The following ABRACL variants were observed in gnomAD, a reference collection of about 807,000 sequenced individuals.
ABRACL encodes the protein costars family protein ABRACL.
In ABRACL, 4 loss-of-function variants were observed where a neutral mutation model predicts 7.0. The observed-to-expected ratio is 0.57, with a 90% CI of 0.28 to 1.30. ABRACL has a LOEUF of 1.30. ABRACL is among the 50% of genes most tolerant of loss of function. ABRACL has a pLI of 0.10. For missense variants in ABRACL, 104 were observed against 97.3 expected (o/e 1.07, Z -0.29); for synonymous variants, 30 against 36.0 (o/e 0.83, Z 0.60).
In ABRACL at chr6:139,034,199, A is replaced by G. The variant is rs773654374; in HGVS notation, c.39A>G (p.Glu13=). 2.5e-6 allele frequency: 4 copies of G among 1,614,108 alleles called. No individual in the cohort carries two copies. The African/African-American group carries it at 4.0e-5, about 16-fold the overall frequency. The stretch of plus-strand genomic sequence containing the variant: ...ACGAGGTTAACCTCTTAGTGGAGGA[A>G]ATTCATCGTTTGGGTTCAAAAAGTA... The part of the protein sequence containing the change: ...VDHEVNLLVE[E]IHRLGSKNAD... The change falls in exon 2 of 3, where the codon GAA becomes GAG. Residue 13 remains glutamate, a synonymous_variant. Coordinates refer to ENST00000367660, the MANE Select transcript of ABRACL (RefSeq NM_021243.3).
In ABRACL at chr6:139,043,263, T is replaced by C. The variant is rs2114321601; in HGVS notation, c.*360T>C. ...AGACCAACTCCTATGAGAAATATTA[T>C]GATGTTTATGTAATAAAGACATGTA... is the stretch of plus-strand genomic sequence containing the variant. On this transcript the variant is annotated 3_prime_UTR_variant, in exon 3 of 3. Coordinates refer to ENST00000367660, the MANE Select transcript of ABRACL (RefSeq NM_021243.3). 1 of 162,514 alleles carries C rather than the reference T, an allele frequency of 6.2e-6. No individual in the cohort carries two copies. Among genetic ancestry groups the C allele is most frequent in the East Asian group, 1.8e-4 (1 of 5,688 alleles). The allele number at this position is 162,514 out of a possible 1,614,324, so 10.1% of individuals were successfully genotyped here. A position where few individuals can be genotyped will look rare whatever the true frequency, so the allele number is the denominator to read the frequency against.
rs140091253 is a variant in ABRACL at position 139,041,451 on chromosome 6, C to CTCTCTATATATA, written c.62-1267_62-1266insCTCTATATATAT. 5.6e-3 allele frequency among the ~76,000 whole-genome samples: 612 copies of CTCTCTATATATA among 110,014 alleles called. 4 individuals carry two copies. The highest frequency in any genetic ancestry group is 8.8e-3 in the Non-Finnish European group (495 of 56,170). 72.2% of individuals were successfully genotyped at this position (110,014 alleles called of 152,430 possible). A position where few individuals can be genotyped will look rare whatever the true frequency, so the allele number is the denominator to read the frequency against. On this transcript the variant is annotated intron_variant, in intron 2 of 2. Coordinates refer to ENST00000367660, the MANE Select transcript of ABRACL (RefSeq NM_021243.3). ...TCTCTCTCTCTCTCTCTCTCTCTCTCTATATATATATATATATATTTCTAT... is the reference window on the plus strand; with the variant it reads ...TCTCTCTCTCTCTCTCTCTCTCTCTCTCTCTATATATATATATATATATATATATATTTCTAT...
chr6:139,037,028 GA>G (rs11287492), intron 2 of ABRACL, among the ~76,000 whole-genome samples: 76,208 of 149,256 alleles, frequency 0.51, 20,335 homozygotes, highest in African/African-American at 0.57. Context: ...GCAATTATCC[GA>G]AAAAAAAAAT....
chr6:139,034,398 C>T (rs543359005), intron 2 of ABRACL, 177 bp downstream of exon 2: 32 of 1,546,982 alleles, frequency 2.1e-5, no homozygotes, highest in Middle Eastern at 1.9e-4. Context: ...TCTGGAGACA[C>T]GGGGCTTTTG....
At chr6:139,032,720 A>G (rs1252828884) in intron 1 of ABRACL, among the ~76,000 whole-genome samples, 1 of 152,204 alleles carries the variant, frequency 6.6e-6, no homozygotes, top group Non-Finnish European at 1.5e-5. Context: ...GGTCTCTTAT[A>G]TGATTTGAAA....
At chr6:139,037,372 TG>T (rs1387577256) in intron 2 of ABRACL, among the ~76,000 whole-genome samples, 1 of 152,120 alleles carries the variant, frequency 6.6e-6, no homozygotes, top group Non-Finnish European at 1.5e-5. Flanking sequence ...GCAATTCTTG[TG>T]CCTCAGCCTC....
chr6:139,034,273 G>T (rs1406424835), intron 2 of ABRACL, 52 bp downstream of exon 2: 3 of 1,614,156 alleles, frequency 1.9e-6, no homozygotes, highest in East Asian at 2.2e-5. Context: ...CTTGGAACAG[G>T]TGAGACTGGC....
rs910685343 is a variant in ABRACL, at chr6:139,029,034, C to T, written c.-7+159C>T. ...AAGCTGCGACCGGCTGGGCCGAGAC[C>T]TCGCGGGTTGGGGTCCCGTGGGGCG... On this transcript the variant is annotated intron_variant, in intron 1 of 2. Transcript: ENST00000367660. Among the ~76,000 whole-genome samples, 57 of 152,110 alleles carry T rather than the reference C, an allele frequency of 3.7e-4. 1 individual carries two copies. Among genetic ancestry groups the T allele is most frequent in the Non-Finnish European group, 1.5e-5 (1 of 68,022 alleles).
Position 139,042,722 on chromosome 6 carries a change from C to A in ABRACL, c.65C>A (p.Ala22Asp). Residue 22 changes from alanine (A) to aspartate (D), a missense_variant, in exon 3 of 3, where the codon GCT (alanine) becomes GAT (aspartate). Ala to Asp is a moderately radical substitution (Grantham distance 126). Coordinates refer to ENST00000367660, the MANE Select transcript of ABRACL (RefSeq NM_021243.3). ...EEIHRLGSKN[A>D]DGKLSVKFGV... ...ACAATGTATTTTCTCAAACTAGATG[C>A]TGATGGAAAGTTAAGCGTGAAATTT... is the stretch of plus-strand genomic sequence containing the variant. 5 of 1,609,058 alleles carry A rather than the reference C, an allele frequency of 3.1e-6. No individual in the cohort carries two copies. Among genetic ancestry groups the A allele is most frequent in the Non-Finnish European group, 4.2e-6 (5 of 1,177,472 alleles).
At chr6:139,031,832 A>G (rs1382969897) in intron 1 of ABRACL, among the ~76,000 whole-genome samples, 2 of 152,202 alleles carry the variant, frequency 1.3e-5, no homozygotes, top group Non-Finnish European at 2.9e-5. Context: ...CCCAGGATAC[A>G]TGGGTTTAGC....
chr6:139,034,005 C>T, intron 1 of ABRACL, 150 bp from the exon 2 acceptor site: 1 of 1,041,094 alleles, frequency 9.6e-7, no homozygotes, highest in Non-Finnish European at 1.4e-6. Context: ...ACTTCAGTGC[C>T]ACATGCATCA....
intron 2 of ABRACL, among the ~76,000 whole-genome samples, chr6:139,035,901 A>C (rs1786148475): frequency 7.1e-6 from 1 of 141,552 alleles, no homozygotes; most frequent in African/African-American, 2.5e-5. Flanking sequence ...GGAGTTCGAG[A>C]CCAGCCTGGC....
chr6:139,041,493 A>ATATATGTG (rs71932479), intron 2 of ABRACL, among the ~76,000 whole-genome samples: 55 of 122,482 alleles, frequency 4.5e-4, no homozygotes, highest in Middle Eastern at 4.4e-3. Flanking sequence ...ATATATATAT[A>ATATATGTG]TGTGTGTGTG....
chr6:139,030,699 A>G (rs571042672), intron 1 of ABRACL, among the ~76,000 whole-genome samples: 6 of 152,352 alleles, frequency 3.9e-5, no homozygotes, highest in Admixed American at 2.6e-4. Flanking sequence ...TTTCATACAA[A>G]TACCACTCAC....
At chr6:139,040,574 G>A (rs1375992218) in intron 2 of ABRACL, among the ~76,000 whole-genome samples, 1 of 152,198 alleles carries the variant, frequency 6.6e-6, no homozygotes, top group Admixed American at 6.5e-5. Flanking sequence ...GATACCTGAA[G>A]TTCAGAGAGC....
At position 139,041,527 on chromosome 6, in the gene ABRACL, A is replaced by ATTT. The variant is rs1250506796; in HGVS notation, c.62-1191_62-1190insTTT. On this transcript the variant is annotated intron_variant, in intron 2 of 2. Coordinates refer to ENST00000367660, the MANE Select transcript of ABRACL (RefSeq NM_021243.3). ...TGTGTGTGTGTGTATATATATATATATATATTTTTTTTTAGGAGAGACATG... is the reference window on the plus strand; with the variant it reads ...TGTGTGTGTGTGTATATATATATATATTTTATATTTTTTTTTAGGAGAGACATG... Among the ~76,000 whole-genome samples, 227 of 41,960 alleles carry ATTT rather than the reference A, an allele frequency of 5.4e-3. 1 individual carries two copies. In the East Asian group the frequency reaches 0.057, roughly 10 times the overall value. The allele number at this position is 41,960 out of a possible 152,430, so 27.5% of individuals were successfully genotyped here.
At chr6:139,040,648 G>A (rs1786229410) in intron 2 of ABRACL, among the ~76,000 whole-genome samples, 1 of 152,194 alleles carries the variant, frequency 6.6e-6, no homozygotes, top group African/African-American at 2.4e-5. Flanking sequence ...ACAGGTTCCT[G>A]TTGCACAGAG....
chr6:139,035,714 C>T (rs1469925081), intron 2 of ABRACL, among the ~76,000 whole-genome samples: 1 of 150,602 alleles, frequency 6.6e-6, no homozygotes, highest in Non-Finnish European at 1.5e-5. Flanking sequence ...AACTCCTGAC[C>T]TCAGGTGATC....
intron 2 of ABRACL, among the ~76,000 whole-genome samples, chr6:139,035,002 G>A (rs1277278552): frequency 6.6e-6 from 1 of 152,116 alleles, no homozygotes; most frequent in Non-Finnish European, 1.5e-5. Flanking sequence ...TAGGATAATA[G>A]AACTCGAAGT....
Sources: gnomAD v4.1 joint callset for allele counts (sites outside exome capture counted in the v4.1 genomes callset) on GRCh38, gnomAD v4.1.1 for gene constraint, MANE v1.5 for transcripts, NCBI Gene and HGNC (gene_info 2026-07-23, HGNC 2026-07-21) for gene names.